ADGRB3: variants seen among roughly 807,000 people sequenced by gnomAD.
ADGRB3 encodes the protein brain-specific angiogenesis inhibitor 3.
ADGRB3 carries 37 observed loss-of-function variants against 193.4 expected under a neutral mutation model. The observed-to-expected ratio is 0.19, with a 90% CI of 0.15 to 0.25. The LOEUF (loss-of-function observed/expected upper bound fraction) is 0.25, where lower values mean the gene tolerates loss of function less well. ADGRB3 is among the 10% of genes least tolerant of loss of function. ADGRB3 has a pLI of 1.00. For synonymous variants in ADGRB3, 690 were observed against 644.2 expected (o/e 1.07, Z -1.08); for missense variants, 1,637 against 1,852.9 (o/e 0.88, Z 2.14).
intron 24 of ADGRB3, among the ~76,000 whole-genome samples, chr6:69,335,858 C>A (rs964705455): frequency 5.3e-5 from 8 of 152,098 alleles, no homozygotes; most frequent in Middle Eastern, 3.4e-3. Context: ...TTCCTTCTCC[C>A]ATTTTTTCTG....
At chr6:69,351,597 C>T (rs1444941711) in intron 26 of ADGRB3, among the ~76,000 whole-genome samples, 1 of 152,054 alleles carries the variant, frequency 6.6e-6, no homozygotes, top group Non-Finnish European at 1.5e-5. Flanking sequence ...TATATTTCTT[C>T]TGAATAGCAT....
chr6:69,209,246 AG>A (rs1175007841), intron 17 of ADGRB3, among the ~76,000 whole-genome samples: 1 of 152,216 alleles, frequency 6.6e-6, no homozygotes, highest in East Asian at 1.9e-4. Context: ...AATGTGCCAG[AG>A]TAACACACCC....
intron 3 of ADGRB3, among the ~76,000 whole-genome samples, chr6:68,924,029 C>A (rs912017698): frequency 5.3e-5 from 8 of 151,948 alleles, no homozygotes; most frequent in African/African-American, 1.9e-4. Context: ...AGGTCTGAAA[C>A]AAATCGACAA....
At chr6:69,032,235 T>G (rs1255170776) in intron 13 of ADGRB3, among the ~76,000 whole-genome samples, 1 of 152,230 alleles carries the variant, frequency 6.6e-6, no homozygotes, top group African/African-American at 2.4e-5. Context: ...ATAAACTCCT[T>G]CAAAATCTGG....
rs756975787 is a variant in ADGRB3 at position 69,361,067 on chromosome 6, T to C, written c.3794T>C (p.Leu1265Pro). ...GLHMPMSMNE[L>P]SNPCLKKENS... ...CACATGCCCATGAGTATGAATGAGC[T>C]TAGCAATCCATGTTTGAAAAAAGAA... is the stretch of plus-strand genomic sequence containing the variant. The change falls in exon 29 of 32, where the codon CTT (leucine) becomes CCT (proline). Residue 1265 changes from leucine (L) to proline (P), a missense_variant. Transcript: ENST00000370598. The C allele has an allele frequency of 6.2e-7, 1 of 1,612,714 alleles. No individual in the cohort carries two copies. Among genetic ancestry groups the C allele is most frequent in the African/African-American group, 1.3e-5 (1 of 74,848 alleles).
intron 17 of ADGRB3, among the ~76,000 whole-genome samples, chr6:69,123,406 T>G (rs1157417605): frequency 6.6e-6 from 1 of 152,158 alleles, no homozygotes; most frequent in Non-Finnish European, 1.5e-5. Context: ...TTGCAGATTG[T>G]TCAACATTTA....
At chr6:68,909,383 T>C (rs1038471029) in intron 3 of ADGRB3, among the ~76,000 whole-genome samples, 4 of 152,216 alleles carry the variant, frequency 2.6e-5, no homozygotes, top group Non-Finnish European at 5.9e-5. Flanking sequence ...ACATACTTAA[T>C]TTTCAATCTG....
At chr6:69,189,822 A>G (rs773820523) in intron 17 of ADGRB3, among the ~76,000 whole-genome samples, 22 of 152,190 alleles carry the variant, frequency 1.4e-4, no homozygotes, top group Non-Finnish European at 2.8e-4. Flanking sequence ...TGCAGAATGT[A>G]ACCGTAGTAA....
At chr6:68,858,195 G>T (rs1765041693) in intron 3 of ADGRB3, among the ~76,000 whole-genome samples, 1 of 152,134 alleles carries the variant, frequency 6.6e-6, no homozygotes. Flanking sequence ...CTATGTGAAA[G>T]CTAAGGTGGA....
At chr6:69,044,929 T>G (rs192843383) in intron 13 of ADGRB3, among the ~76,000 whole-genome samples, 41 of 152,302 alleles carry the variant, frequency 2.7e-4, no homozygotes, top group Non-Finnish European at 5.4e-4. Flanking sequence ...ACACCCACAA[T>G]GACTGGTTTT....
At position 69,180,658 on chromosome 6, in the gene ADGRB3, T is replaced by C. The variant is rs1775556599; in HGVS notation, c.2481-52632T>C. 2.0e-5 allele frequency among the ~76,000 whole-genome samples: 3 copies of C among 152,282 alleles called. No individual in the cohort carries two copies. The South Asian group carries it at 6.2e-4, about 32-fold the overall frequency. On this transcript the variant is annotated intron_variant, in intron 17 of 31. Transcript: ENST00000370598. ...GCCAAGCTGGCCGTAGCTGCAAGTC[T>C]TAGTCCAGGAGAAACTGCAGTTGTA...
At chr6:68,915,058 A>G (rs887110582) in intron 3 of ADGRB3, among the ~76,000 whole-genome samples, 1 of 152,194 alleles carries the variant, frequency 6.6e-6, no homozygotes, top group East Asian at 1.9e-4. Flanking sequence ...CAAATTTAGA[A>G]AAGTAAAGGA....
chr6:69,023,484 G>A (rs915430979), intron 13 of ADGRB3, among the ~76,000 whole-genome samples: 2 of 152,072 alleles, frequency 1.3e-5, no homozygotes, highest in Non-Finnish European at 2.9e-5. Context: ...CATTCTTTTA[G>A]CAAAGATGAT....
intron 17 of ADGRB3, among the ~76,000 whole-genome samples, chr6:69,231,936 A>G (rs903866475): frequency 1.3e-5 from 2 of 152,236 alleles, no homozygotes; most frequent in African/African-American, 2.4e-5. Flanking sequence ...CTGTAGCTCA[A>G]CTTGGAAGTT....
intron 3 of ADGRB3, among the ~76,000 whole-genome samples, chr6:68,872,042 T>TGC (rs58099638): frequency 3.3e-5 from 5 of 152,144 alleles, no homozygotes; most frequent in Admixed American, 2.6e-4. Context: ...TGTGATTAAG[T>TGC]TATAAATTAA....
intron 13 of ADGRB3, among the ~76,000 whole-genome samples, chr6:69,019,003 C>T (rs1015862938): frequency 1.3e-5 from 2 of 151,972 alleles, no homozygotes; most frequent in Non-Finnish European, 2.9e-5. Context: ...GATGATGGTG[C>T]AACTGCTGCC....
At chr6:68,795,280 A>C (rs1767184586) in intron 3 of ADGRB3, among the ~76,000 whole-genome samples, 1 of 152,100 alleles carries the variant, frequency 6.6e-6, no homozygotes, top group South Asian at 2.1e-4. Context: ...AAAAAGAAGA[A>C]AAAATAGAAA....
intron 1 of ADGRB3, among the ~76,000 whole-genome samples, chr6:68,637,095 CAG>C (rs1767977508): frequency 6.6e-6 from 1 of 151,424 alleles, no homozygotes; most frequent in African/African-American, 2.4e-5. Context: ...TTGCTTGAAA[CAG>C]AGAACACTGT....
chr6:68,913,448 T>C (rs530867048), intron 3 of ADGRB3, among the ~76,000 whole-genome samples: 88 of 152,322 alleles, frequency 5.8e-4, no homozygotes, highest in African/African-American at 2.1e-3. Context: ...GGAGTGGACC[T>C]CTAGCAAACT....
Sources: allele counts gnomAD v4.1 joint callset (sites outside exome capture counted in the v4.1 genomes callset), GRCh38; gene constraint gnomAD v4.1.1; transcripts MANE v1.5; gene names NCBI Gene and HGNC (gene_info 2026-07-23, HGNC 2026-07-21).